The following PSMF1 variants were observed in gnomAD, a reference collection of about 807,000 sequenced individuals.
PSMF1 encodes proteasome inhibitor subunit 1.
A neutral mutation model predicts 29.3 loss-of-function variants in PSMF1; 30 were observed. The observed-to-expected ratio is 1.02, with a 90% CI of 0.77 to 1.39. The LOEUF (loss-of-function observed/expected upper bound fraction) is 1.39, where lower values mean the gene tolerates loss of function less well. Ranked by LOEUF, PSMF1 falls within the 40% of genes most tolerant of loss-of-function variation. PSMF1 has a pLI of 0.00. For missense variants in PSMF1, 344 were observed against 357.5 expected (o/e 0.96, Z 0.31); for synonymous variants, 134 against 139.7 (o/e 0.96, Z 0.29).
At position 1,118,678 on chromosome 20, in the gene PSMF1, A is replaced by C. The variant is rs529320368; in HGVS notation, c.-96A>C. The C allele has an allele frequency of 4.5e-4, 631 of 1,404,478 alleles. 7 individuals carry two copies. In the South Asian group the frequency reaches 6.9e-3, roughly 15 times the overall value. 87.0% of individuals were successfully genotyped at this position (1,404,478 alleles called of 1,614,324 possible). On this transcript the variant is annotated 5_prime_UTR_variant, in exon 1 of 7. Transcript: ENST00000335877. ...TGGACTCGGCAAGAACCAGCGCAAG[A>C]GGGAAGCAGAGTTATAGCTACCCCG...
Position 1,118,648 on chromosome 20 carries a change from A to C in PSMF1, c.-126A>C. ...CCCCGGGCGTCTCCATTTTGGTCTC[A>C]GGTGTGGACTCGGCAAGAACCAGCG... On this transcript the variant is annotated 5_prime_UTR_variant, in exon 1 of 7. Transcript: ENST00000335877. 8.3e-6 allele frequency: 10 copies of C among 1,211,124 alleles called. No homozygotes were observed. The highest frequency in any genetic ancestry group is 1.1e-5 in the Non-Finnish European group (10 of 897,470). The allele number at this position is 1,211,124 out of a possible 1,614,324, so 75.0% of individuals were successfully genotyped here.
In PSMF1 at chr20:1,161,047, C is replaced by T. The variant is rs147275005; in HGVS notation, c.552-2083C>T. 2.5e-3 allele frequency: 1,054 copies of T among 414,904 alleles called. 8 individuals are homozygous for T. The highest frequency in any genetic ancestry group is 0.02 in the African/African-American group (977 of 48,234). The allele number at this position is 414,904 out of a possible 1,614,324, so 25.7% of individuals were successfully genotyped here. ...CTGGCATTGTCATGGATTCTGGAGA[C>T]GGAGTCACACACACGGTGCCCATCT... On this transcript the variant is annotated intron_variant, in intron 4 of 6. Coordinates refer to ENST00000335877, the MANE Select transcript of PSMF1 (RefSeq NM_006814.5).
chr20:1,162,359 T>TAGC (rs1470797989), intron 4 of PSMF1, among the ~76,000 whole-genome samples: 2 of 152,168 alleles, frequency 1.3e-5, no homozygotes, highest in Non-Finnish European at 2.9e-5. Context: ...GCATTAGGCC[T>TAGC]AGCAGCACAT....
At chr20:1,121,806 A>C (rs1177268328) in intron 1 of PSMF1, among the ~76,000 whole-genome samples, 1 of 152,216 alleles carries the variant, frequency 6.6e-6, no homozygotes, top group African/African-American at 2.4e-5. Context: ...GGCTTCAACA[A>C]AAATCCAATA....
chr20:1,161,501 C>T, intron 4 of PSMF1: 4 of 523,276 alleles, frequency 7.6e-6, no homozygotes, highest in Non-Finnish European at 1.4e-5. Context: ...CAAGCATCTC[C>T]AACAGGATGC....
rs1397193053 is a variant in PSMF1 at position 1,168,741 on chromosome 20, A to G, written c.*3661A>G. Among the ~76,000 whole-genome samples, 2 of 152,314 alleles carry G rather than the reference A, an allele frequency of 1.3e-5. No individual in the cohort carries two copies. The highest frequency in any genetic ancestry group is 1.9e-4 in the East Asian group (1 of 5,186). ...TTTCTACTGTTGTTAATAACATTCT[A>G]TTAATGATCCATGCCTCTCTTCACA... On this transcript the variant is annotated 3_prime_UTR_variant, in exon 7 of 7. Coordinates refer to ENST00000335877, the MANE Select transcript of PSMF1 (RefSeq NM_006814.5).
chr20:1,128,755 G>A (rs985713606), intron 3 of PSMF1, among the ~76,000 whole-genome samples: 11 of 152,064 alleles, frequency 7.2e-5, no homozygotes, highest in Admixed American at 5.2e-4. Flanking sequence ...TTTTGAGGTG[G>A]AGTCTAGTTC....
intron 4 of PSMF1, among the ~76,000 whole-genome samples, chr20:1,135,819 A>T (rs969617936): frequency 6.6e-6 from 1 of 152,190 alleles, no homozygotes; most frequent in South Asian, 2.1e-4. Context: ...GATGTGAGTG[A>T]GTCACATTCC....
At chr20:1,144,210 G>C (rs771242360) in intron 4 of PSMF1, among the ~76,000 whole-genome samples, 1 of 152,178 alleles carries the variant, frequency 6.6e-6, no homozygotes, top group Non-Finnish European at 1.5e-5. Flanking sequence ...TAGGTGAAAT[G>C]CAAATGAAAC....
chr20:1,113,775 C>T (rs368532223), upstream of PSMF1, among the ~76,000 whole-genome samples: 216 of 152,284 alleles, frequency 1.4e-3, 4 homozygotes, highest in South Asian at 0.043. Context: ...TTACTGCAAG[C>T]TCTGCCTCTC....
rs1311131830 is a variant in PSMF1 at position 1,168,790 on chromosome 20, G to C, written c.*3710G>C. Reference sequence around the variant, plus strand: ...CAGGAGGAATATTAGAATCTATGGAGCAGTTAGTATTCTTTGTCACCTAAA... The same window carrying C: ...CAGGAGGAATATTAGAATCTATGGACCAGTTAGTATTCTTTGTCACCTAAA... On this transcript the variant is annotated 3_prime_UTR_variant, in exon 7 of 7. Coordinates refer to ENST00000335877, the MANE Select transcript of PSMF1 (RefSeq NM_006814.5). Among the ~76,000 whole-genome samples the C allele has an allele frequency of 6.6e-6, 1 of 152,178 alleles. No individual in the cohort carries two copies. Among genetic ancestry groups the C allele is most frequent in the East Asian group, 1.9e-4 (1 of 5,198 alleles).
chr20:1,125,090 C>T (rs2086137524), intron 1 of PSMF1, among the ~76,000 whole-genome samples: 2 of 152,208 alleles, frequency 1.3e-5, no homozygotes, highest in Non-Finnish European at 2.9e-5. Flanking sequence ...GTATTCGGAT[C>T]TGTGTTTTTA....
intron 4 of PSMF1, among the ~76,000 whole-genome samples, chr20:1,150,793 T>G (rs574267094): frequency 3.3e-5 from 5 of 152,212 alleles, no homozygotes; most frequent in Admixed American, 3.3e-4. Context: ...TCAGTGCTTT[T>G]CCCTTTATGT....
At chr20:1,119,423 T>C (rs759752748) in intron 1 of PSMF1, among the ~76,000 whole-genome samples, 82 of 152,220 alleles carry the variant, frequency 5.4e-4, no homozygotes, top group Middle Eastern at 3.4e-3. Flanking sequence ...CCCGTTAGCA[T>C]GGGCCCAGAG....
intron 4 of PSMF1, among the ~76,000 whole-genome samples, chr20:1,143,069 G>A (rs141228312): frequency 1.2e-3 from 175 of 151,416 alleles, no homozygotes; most frequent in African/African-American, 3.9e-3. Context: ...AAAAATGTCA[G>A]ATACTCCACA....
rs193249221 is a variant in PSMF1, at chr20:1,127,526, C to G, written c.365+18C>G. The G allele has an allele frequency of 1.9e-6, 3 of 1,548,008 alleles. No homozygotes were observed. The South Asian group carries it at 3.3e-5, about 17-fold the overall frequency. On this transcript the variant is annotated intron_variant, in intron 3 of 6. Coordinates refer to ENST00000335877, the MANE Select transcript of PSMF1 (RefSeq NM_006814.5). ...TTCCACAGGTACTTCTAAATGATGT[C>G]TCTTCCCTGGGAAAAAGAAGAGAGA...
chr20:1,118,137 C>A (rs2086030115), upstream of PSMF1: 1 of 152,262 alleles, frequency 6.6e-6, no homozygotes, highest in Non-Finnish European at 1.5e-5. Flanking sequence ...CCATTTCAGC[C>A]GTTCACCGGC....
intron 4 of PSMF1, among the ~76,000 whole-genome samples, chr20:1,144,483 A>G (rs2086424156): frequency 6.6e-6 from 1 of 152,260 alleles, no homozygotes; most frequent in Non-Finnish European, 1.5e-5. Context: ...ACAGATGTTC[A>G]GAAGAGTTTT....
chr20:1,130,378 A>G (rs890323333), intron 3 of PSMF1, among the ~76,000 whole-genome samples: 5 of 152,224 alleles, frequency 3.3e-5, no homozygotes, highest in Non-Finnish European at 7.3e-5. Context: ...CTGTTAGGAT[A>G]AAGAGCACAA....
Sources: allele counts gnomAD v4.1 joint callset (sites outside exome capture counted in the v4.1 genomes callset), GRCh38; gene constraint gnomAD v4.1.1; transcripts MANE v1.5; gene names NCBI Gene and HGNC (gene_info 2026-07-23, HGNC 2026-07-21).